The following CSGALNACT1 variants were observed in gnomAD, a reference collection of about 807,000 sequenced individuals.
CSGALNACT1 encodes beta4GalNAcT-1.
CSGALNACT1 carries 52 observed loss-of-function variants against 51.0 expected under a neutral mutation model. That is an observed-to-expected ratio of 1.02 (90% CI 0.82 to 1.29). The LOEUF (loss-of-function observed/expected upper bound fraction) is 1.29. CSGALNACT1 is among the 50% of genes most tolerant of loss of function. CSGALNACT1 has a pLI of 0.00. For synonymous variants in CSGALNACT1, 341 were observed against 254.4 expected, an observed-to-expected ratio of 1.34 and a Z score of -3.24; for missense variants, 935 against 679.2, an observed-to-expected ratio of 1.38 and a Z score of -4.19.
intron 6 of CSGALNACT1, among the ~76,000 whole-genome samples, chr8:19,424,122 C>G (rs548833676): frequency 6.6e-6 from 1 of 152,174 alleles, no homozygotes; most frequent in African/African-American, 2.4e-5. Context: ...TAGAGCTGCT[C>G]TGAAGCCCTG....
chr8:19,404,404 G>C, exon 10 of CSGALNACT1: 1 of 453,088 alleles, frequency 2.2e-6, no homozygotes, highest in South Asian at 1.6e-5. Context: ...CATGAATGAA[G>C]AAACCACTCT....
At chr8:19,610,661 G>A (rs186839780) in intron 1 of CSGALNACT1, among the ~76,000 whole-genome samples, 81 of 152,310 alleles carry the variant, frequency 5.3e-4, no homozygotes, top group African/African-American at 1.7e-3. Context: ...CCAGGCCACC[G>A]AGTGGCCCAG....
At chr8:19,556,251 C>T (rs955001511) in intron 3 of CSGALNACT1, among the ~76,000 whole-genome samples, 1 of 149,658 alleles carries the variant, frequency 6.7e-6, no homozygotes, top group Middle Eastern at 3.5e-3. Context: ...TGGTGTATGC[C>T]TGTAATCCCA....
intron 1 of CSGALNACT1, among the ~76,000 whole-genome samples, chr8:19,736,875 G>A (rs1355464304): frequency 1.3e-5 from 2 of 151,830 alleles, no homozygotes; most frequent in African/African-American, 4.8e-5. Context: ...TTCCAAGATT[G>A]ATGAAAGACA....
chr8:19,498,538 T>C (rs2075868960), intron 4 of CSGALNACT1, among the ~76,000 whole-genome samples: 1 of 152,132 alleles, frequency 6.6e-6, no homozygotes, highest in Non-Finnish European at 1.5e-5. Flanking sequence ...GGAGAACACA[T>C]GTCCTTCCAA....
At chr8:19,710,437 G>T (rs2062434469) in intron 1 of CSGALNACT1, among the ~76,000 whole-genome samples, 2 of 152,200 alleles carry the variant, frequency 1.3e-5, no homozygotes, top group Admixed American at 6.5e-5. Flanking sequence ...GCTATGCTTG[G>T]TGACACGAAA....
chr8:19,455,398 T>G (rs1043344084), intron 5 of CSGALNACT1, among the ~76,000 whole-genome samples: 2 of 152,226 alleles, frequency 1.3e-5, no homozygotes, highest in African/African-American at 4.8e-5. Context: ...GAAAGGAATT[T>G]ATAAAGACAA....
intron 1 of CSGALNACT1, among the ~76,000 whole-genome samples, chr8:19,634,800 G>A (rs1384334551): frequency 6.6e-6 from 1 of 152,180 alleles, no homozygotes; most frequent in Non-Finnish European, 1.5e-5. Context: ...CTTCATCTTG[G>A]ACTTCCAGCC....
chr8:19,515,685 A>T (rs1035274411), intron 3 of CSGALNACT1, among the ~76,000 whole-genome samples: 1 of 152,174 alleles, frequency 6.6e-6, no homozygotes. Context: ...AACCACAAGC[A>T]CCAAAAGGTC....
chr8:19,530,884 C>T (rs1407549887), intron 3 of CSGALNACT1, among the ~76,000 whole-genome samples: 2 of 152,190 alleles, frequency 1.3e-5, no homozygotes, highest in African/African-American at 4.8e-5. Flanking sequence ...AAATATTTCC[C>T]TGCAATCTGG....
At chr8:19,503,244 C>T (rs2076717955) in intron 4 of CSGALNACT1, among the ~76,000 whole-genome samples, 1 of 152,198 alleles carries the variant, frequency 6.6e-6, no homozygotes, top group African/African-American at 2.4e-5. Flanking sequence ...ACATGTGGGT[C>T]TGTCTGCCTT....
chr8:19,470,624 G>T (rs1268820940), intron 4 of CSGALNACT1, among the ~76,000 whole-genome samples: 1 of 152,100 alleles, frequency 6.6e-6, no homozygotes, highest in Non-Finnish European at 1.5e-5. Flanking sequence ...GGGCAGGAGA[G>T]GGCTCTACCC....
At chr8:19,696,809 T>C (rs947845198) in intron 1 of CSGALNACT1, among the ~76,000 whole-genome samples, 6 of 152,156 alleles carry the variant, frequency 3.9e-5, no homozygotes, top group African/African-American at 1.2e-4. Context: ...GTGTCGACTG[T>C]TCTCACTGTT....
In CSGALNACT1 at chr8:19,437,036, G is replaced by C. The variant is rs1448048341; in HGVS notation, c.953+2794C>G. ...TTGTGCTAAGTGCTGGAATTAAGGA[G>C]TCATGAGACACAGTACCACTTATTG... On this transcript the variant is annotated intron_variant, in intron 6 of 9. Coordinates refer to ENST00000454498, the Ensembl canonical transcript of CSGALNACT1. Among the ~76,000 whole-genome samples the C allele has an allele frequency of 3.9e-5, 6 of 152,124 alleles. No individual in the cohort carries two copies. The East Asian group carries it at 1.2e-3, about 29-fold the overall frequency.
At chr8:19,656,049 A>G (rs920629236) in intron 1 of CSGALNACT1, among the ~76,000 whole-genome samples, 1 of 152,136 alleles carries the variant, frequency 6.6e-6, no homozygotes, top group Non-Finnish European at 1.5e-5. Context: ...AAGGGGGTAC[A>G]TCACAAGCCT....
At chr8:19,434,093 G>A (rs112053567) in intron 6 of CSGALNACT1, among the ~76,000 whole-genome samples, 318 of 152,228 alleles carry the variant, frequency 2.1e-3, no homozygotes, top group African/African-American at 7.3e-3. Context: ...TCTCCAGATT[G>A]TTGCAAACTT....
chr8:19,716,641 A>AAAAAT (rs2062827531), intron 1 of CSGALNACT1, among the ~76,000 whole-genome samples: 1 of 148,950 alleles, frequency 6.7e-6, no homozygotes, highest in Non-Finnish European at 1.5e-5. Flanking sequence ...AAAAAAAAAA[A>AAAAAT]ATTAGCCAGA....
At chr8:19,541,129 G>A (rs1338671528) in intron 3 of CSGALNACT1, among the ~76,000 whole-genome samples, 3 of 151,844 alleles carry the variant, frequency 2.0e-5, no homozygotes, top group Non-Finnish European at 4.4e-5. Flanking sequence ...CCCCAGGCTA[G>A]AATGCAGTGG....
chr8:19,679,298 T>C (rs1037667848), intron 1 of CSGALNACT1, among the ~76,000 whole-genome samples: 1 of 151,498 alleles, frequency 6.6e-6, no homozygotes, highest in Non-Finnish European at 1.5e-5. Context: ...ACAAACAAAA[T>C]ACAAAAATTA....
Sources: allele counts gnomAD v4.1 joint callset (sites outside exome capture counted in the v4.1 genomes callset), GRCh38; gene constraint gnomAD v4.1.1; transcripts MANE v1.5; gene names NCBI Gene and HGNC (gene_info 2026-07-23, HGNC 2026-07-21).